CNTNAP2: variants seen among roughly 807,000 people sequenced by gnomAD.
CNTNAP2 encodes contactin-associated protein-like 2.
A neutral mutation model predicts 155.2 loss-of-function variants in CNTNAP2; 98 were observed. That is an observed-to-expected ratio of 0.63 (90% CI 0.54 to 0.75). The LOEUF (loss-of-function observed/expected upper bound fraction) is 0.75. CNTNAP2 is among the 30% of genes least tolerant of loss of function. The pLI, the probability that CNTNAP2 is intolerant of heterozygous loss-of-function variation, is 0.00. For synonymous variants in CNTNAP2, 651 were observed against 631.2 expected (o/e 1.03, Z -0.47); for missense variants, 1,727 against 1,688.1 (o/e 1.02, Z -0.40).
intron 13 of CNTNAP2, among the ~76,000 whole-genome samples, chr7:147,809,403 T>C (rs936334144): frequency 2.5e-4 from 38 of 152,052 alleles, no homozygotes; most frequent in African/African-American, 8.5e-4. Flanking sequence ...GAAAGGTGCA[T>C]TTTTTTTATT....
intron 11 of CNTNAP2, among the ~76,000 whole-genome samples, chr7:147,559,473 TA>T (rs1800017666): frequency 6.6e-6 from 1 of 152,222 alleles, no homozygotes; most frequent in Non-Finnish European, 1.5e-5. Context: ...GAACATTGGT[TA>T]AAAAGCACAC....
intron 8 of CNTNAP2, among the ~76,000 whole-genome samples, chr7:147,227,282 C>A (rs944469163): frequency 6.6e-6 from 1 of 151,798 alleles, no homozygotes; most frequent in Non-Finnish European, 1.5e-5. Flanking sequence ...TTGAATAGGG[C>A]TGGTGTGGAG....
chr7:148,133,110 T>C (rs1275047849), intron 16 of CNTNAP2, among the ~76,000 whole-genome samples: 1 of 152,052 alleles, frequency 6.6e-6, no homozygotes, highest in Non-Finnish European at 1.5e-5. Context: ...TCTTTAAAAA[T>C]AAGATAAGCT....
At chr7:148,305,553 C>T (rs534143951) in intron 21 of CNTNAP2, among the ~76,000 whole-genome samples, 1 of 152,176 alleles carries the variant, frequency 6.6e-6, no homozygotes, top group Non-Finnish European at 1.5e-5. Context: ...AATTGACTCG[C>T]AGTTCTGCAG....
At chr7:146,165,212 A>G (rs1584782290) in intron 1 of CNTNAP2, among the ~76,000 whole-genome samples, 1 of 152,126 alleles carries the variant, frequency 6.6e-6, no homozygotes, top group Non-Finnish European at 1.5e-5. Context: ...AAATTTGTCA[A>G]TGTTCAGTAA....
intron 4 of CNTNAP2, among the ~76,000 whole-genome samples, chr7:147,107,660 A>G (rs1249440359): frequency 6.6e-6 from 1 of 152,018 alleles, no homozygotes; most frequent in East Asian, 1.9e-4. Context: ...AAATATAAAA[A>G]CCATTTAAAA....
At position 146,585,181 on chromosome 7, in the gene CNTNAP2, G is replaced by A. The variant is rs139042852; in HGVS notation, c.98-189090G>A. Among the ~76,000 whole-genome samples the A allele has an allele frequency of 8.4e-3, 1,274 of 152,120 alleles. 12 individuals carry two copies. Among genetic ancestry groups the A allele is most frequent in the African/African-American group, 0.029 (1,211 of 41,496 alleles). ...TCTATCGCCAGACTGGAGTGCAGTGGCACGATCTCGGCTCACTGCAACCTC... is the reference window on the plus strand; with the variant it reads ...TCTATCGCCAGACTGGAGTGCAGTGACACGATCTCGGCTCACTGCAACCTC... On this transcript the variant is annotated intron_variant, in intron 1 of 23. Coordinates refer to ENST00000361727, the MANE Select transcript of CNTNAP2 (RefSeq NM_014141.6).
intron 10 of CNTNAP2, among the ~76,000 whole-genome samples, chr7:147,468,177 G>A (rs4725725): frequency 0.78 from 118,403 of 151,916 alleles, 46,493 homozygotes; most frequent in African/African-American, 0.87. Flanking sequence ...TATAGTTTCA[G>A]CTATATAAGA....
At chr7:146,904,598 A>G (rs1182980511) in intron 3 of CNTNAP2, among the ~76,000 whole-genome samples, 1 of 152,072 alleles carries the variant, frequency 6.6e-6, no homozygotes, top group Non-Finnish European at 1.5e-5. Context: ...CAGCCTCCTG[A>G]GTAGCTGGGA....
chr7:146,527,801 T>C (rs1167210423), intron 1 of CNTNAP2, among the ~76,000 whole-genome samples: 1 of 152,094 alleles, frequency 6.6e-6, no homozygotes, highest in Non-Finnish European at 1.5e-5. Flanking sequence ...AATGTTCAAT[T>C]ATTTTAAATG....
Position 147,717,734 on chromosome 7 carries a change from C to A in CNTNAP2, c.2098+78428C>A, listed in dbSNP as rs80248782. Among the ~76,000 whole-genome samples the A allele has an allele frequency of 6.9e-3, 1,043 of 152,072 alleles. 12 individuals carry two copies. The highest frequency in any genetic ancestry group is 0.024 in the African/African-American group (981 of 41,496). ...GAGGAGAATTTAAAAAAGCAAACAG[C>A]CAGACATGGGCAGGGCGGGGCACAT... On this transcript the variant is annotated intron_variant, in intron 13 of 23. Transcript: ENST00000361727.
chr7:147,866,543 T>C (rs952796816), intron 13 of CNTNAP2, among the ~76,000 whole-genome samples: 2 of 152,210 alleles, frequency 1.3e-5, no homozygotes, highest in South Asian at 4.1e-4. Context: ...ATTATTATTG[T>C]GTGGGAGTAT....
intron 1 of CNTNAP2, among the ~76,000 whole-genome samples, chr7:146,468,275 G>A (rs1262677767): frequency 2.0e-5 from 3 of 152,062 alleles, no homozygotes; most frequent in African/African-American, 4.8e-5. Flanking sequence ...ATAAAGTGAC[G>A]ACTACTAGAG....
At chr7:147,559,883 A>T (rs1431935972) in intron 11 of CNTNAP2, among the ~76,000 whole-genome samples, 3 of 144,752 alleles carry the variant, frequency 2.1e-5, no homozygotes, top group African/African-American at 7.6e-5. Context: ...AAAAAAAAAC[A>T]TTTGAGGCCA....
intron 3 of CNTNAP2, among the ~76,000 whole-genome samples, chr7:147,027,379 C>G (rs1340256014): frequency 6.6e-6 from 1 of 152,108 alleles, no homozygotes; most frequent in Non-Finnish European, 1.5e-5. Context: ...ATTCTAAAAG[C>G]CACCTAATGT....
Position 146,795,030 on chromosome 7 carries a change from T to C in CNTNAP2, c.208+20649T>C, listed in dbSNP as rs981442021. 2.1e-4 allele frequency among the ~76,000 whole-genome samples: 32 copies of C among 152,280 alleles called. 1 individual carries two copies. Among genetic ancestry groups the C allele is most frequent in the African/African-American group, 7.5e-4 (31 of 41,558 alleles). ...AGAAAGTAGAAAGCAGGGGCACCCATTGCCTTTGAAGAGTTTTCAGTGAAA... is the reference window on the plus strand; with the variant it reads ...AGAAAGTAGAAAGCAGGGGCACCCACTGCCTTTGAAGAGTTTTCAGTGAAA... On this transcript the variant is annotated intron_variant, in intron 2 of 23. Coordinates refer to ENST00000361727, the MANE Select transcript of CNTNAP2 (RefSeq NM_014141.6).
At chr7:147,104,326 G>A (rs978400801) in intron 4 of CNTNAP2, among the ~76,000 whole-genome samples, 3 of 151,696 alleles carry the variant, frequency 2.0e-5, no homozygotes, top group African/African-American at 7.3e-5. Flanking sequence ...TCCTGTTTTA[G>A]AAAACAAAAT....
chr7:146,483,329 A>ATATATATATG (rs1211403922), intron 1 of CNTNAP2, among the ~76,000 whole-genome samples: 1 of 84,614 alleles, frequency 1.2e-5, no homozygotes, highest in Non-Finnish European at 2.3e-5. Flanking sequence ...ATATATATAT[A>ATATATATATG]CATATATATA....
intron 13 of CNTNAP2, among the ~76,000 whole-genome samples, chr7:147,750,920 G>A (rs1449901283): frequency 6.6e-6 from 1 of 151,990 alleles, no homozygotes; most frequent in Non-Finnish European, 1.5e-5. Flanking sequence ...GGCGCCTGAA[G>A]TCCCAGCTAC....
Sources: gnomAD v4.1 joint callset for allele counts (sites outside exome capture counted in the v4.1 genomes callset) on GRCh38, gnomAD v4.1.1 for gene constraint, MANE v1.5 for transcripts, NCBI Gene and HGNC (gene_info 2026-07-23, HGNC 2026-07-21) for gene names.